SGSM1: variants seen among roughly 807,000 people sequenced by gnomAD.
SGSM1 encodes small G protein signaling modulator 1.
In SGSM1, 73 loss-of-function variants were observed where a neutral mutation model predicts 133.8. That is an observed-to-expected ratio of 0.55 (90% CI 0.45 to 0.66). SGSM1 has a LOEUF of 0.66. SGSM1 is among the 30% of genes least tolerant of loss of function. The pLI, the probability that SGSM1 is intolerant of heterozygous loss-of-function variation, is 0.00. For missense variants in SGSM1, 1,213 were observed against 1,448.1 expected (o/e 0.84, Z 2.64); for synonymous variants, 563 against 573.0 (o/e 0.98, Z 0.25).
At chr22:24,816,409 T>C (rs1304871418) in intron 2 of SGSM1, among the ~76,000 whole-genome samples, 1 of 126,336 alleles carries the variant, frequency 7.9e-6, no homozygotes, top group African/African-American at 2.6e-5. Flanking sequence ...GATTTCTTTT[T>C]TTTCTTTCTT....
chr22:24,924,405 G>A lies in SGSM1; in HGVS notation c.*131G>A, dbSNP rs1474757802. On this transcript the variant is annotated 3_prime_UTR_variant, in exon 25 of 25. Transcript: ENST00000400358. ...TGTTCACAAGCGTGGAGTTCAGTGC[G>A]CAAAGAAACTACCCTGACTTTTACT... 8 of 704,052 alleles carry A rather than the reference G, an allele frequency of 1.1e-5. No homozygotes were observed. The highest frequency in any genetic ancestry group is 2.2e-5 in the Admixed American group (1 of 44,718). 43.6% of individuals were successfully genotyped at this position (704,052 alleles called of 1,614,324 possible).
At chr22:24,921,204 A>T (rs1933995636) in intron 24 of SGSM1, among the ~76,000 whole-genome samples, 1 of 151,770 alleles carries the variant, frequency 6.6e-6, no homozygotes, top group Non-Finnish European at 1.5e-5. Context: ...GGTTCAAGTG[A>T]TTCTCCCGCC....
chr22:24,842,280 C>G (rs895637123), intron 2 of SGSM1, among the ~76,000 whole-genome samples: 4 of 152,278 alleles, frequency 2.6e-5, no homozygotes, highest in African/African-American at 9.6e-5. Context: ...TGGAGTCAGA[C>G]AAACCTGGGT....
chr22:24,811,665 G>T (rs1038210953), intron 2 of SGSM1, among the ~76,000 whole-genome samples: 2 of 151,634 alleles, frequency 1.3e-5, no homozygotes, highest in African/African-American at 4.9e-5. Flanking sequence ...TTGGAGTTTG[G>T]GACCAGCCTG....
At chr22:24,837,482 GC>G (rs1346213353) in intron 2 of SGSM1, among the ~76,000 whole-genome samples, 1 of 152,060 alleles carries the variant, frequency 6.6e-6, no homozygotes, top group Admixed American at 6.5e-5. Context: ...AGACGGTTAG[GC>G]CTCCAGATAA....
At chr22:24,917,556 C>A in intron 22 of SGSM1, 102 bp from the exon 23 acceptor site, 1 of 723,700 alleles carries the variant, frequency 1.4e-6, no homozygotes, top group Non-Finnish European at 2.3e-6. Context: ...CTGTTAAGGA[C>A]CGTATGGTGT....
chr22:24,891,304 G>A (rs753567728), intron 16 of SGSM1, among the ~76,000 whole-genome samples: 8 of 152,146 alleles, frequency 5.3e-5, no homozygotes, highest in African/African-American at 1.2e-4. Flanking sequence ...AGGCTGCAGC[G>A]AGCTATGATT....
intron 16 of SGSM1, among the ~76,000 whole-genome samples, chr22:24,888,735 T>C (rs542139599): frequency 7.8e-4 from 118 of 152,062 alleles, no homozygotes; most frequent in African/African-American, 2.7e-3. Context: ...GCCGAAGTCA[T>C]GCCACTGCAG....
chr22:24,899,756 C>T (rs756573251), intron 19 of SGSM1, among the ~76,000 whole-genome samples: 2 of 151,986 alleles, frequency 1.3e-5, no homozygotes, highest in African/African-American at 4.8e-5. Flanking sequence ...CTGCTGACCT[C>T]GTGATCTGCC....
chr22:24,848,199 G>A (rs2147840777), intron 4 of SGSM1, among the ~76,000 whole-genome samples: 1 of 151,650 alleles, frequency 6.6e-6, no homozygotes, highest in Middle Eastern at 3.4e-3. Flanking sequence ...AACTAGATCT[G>A]TTTTCTCCCA....
At chr22:24,909,126 C>A (rs1933524151) in intron 21 of SGSM1, among the ~76,000 whole-genome samples, 1 of 152,150 alleles carries the variant, frequency 6.6e-6, no homozygotes, top group Non-Finnish European at 1.5e-5. Context: ...TTGTGCACTC[C>A]TTCTGAATAT....
At chr22:24,820,483 T>C (rs1030145752) in intron 2 of SGSM1, among the ~76,000 whole-genome samples, 5 of 152,114 alleles carry the variant, frequency 3.3e-5, no homozygotes, top group African/African-American at 1.2e-4. Flanking sequence ...CCAATAACCA[T>C]GTTTAGGGCA....
chr22:24,915,253 T>TAAATAAATAAATAAATAAATAAATAAAC (rs375854809), intron 22 of SGSM1, among the ~76,000 whole-genome samples: 6 of 139,428 alleles, frequency 4.3e-5, no homozygotes, highest in African/African-American at 1.5e-4. Flanking sequence ...AATAAATAAA[T>TAAATAAATAAATAAATAAATAAATAAAC]AAACAAACAG....
chr22:24,838,603 A>G (rs1929607495), intron 2 of SGSM1, among the ~76,000 whole-genome samples: 1 of 152,202 alleles, frequency 6.6e-6, no homozygotes, highest in South Asian at 2.1e-4. Flanking sequence ...CAAAAAGGAC[A>G]GTTTATGGGG....
chr22:24,917,640 C>A lies in SGSM1; in HGVS notation c.2929-18C>A. The A allele has an allele frequency of 2.5e-6, 4 of 1,605,036 alleles. No individual in the cohort carries two copies. The highest frequency in any genetic ancestry group is 3.4e-6 in the Non-Finnish European group (4 of 1,173,700). On this transcript the variant is annotated intron_variant, in intron 22 of 24. Coordinates refer to ENST00000400358, the MANE Select transcript of SGSM1 (RefSeq NM_001098497.3). ...ACCTTTTCCCAGGAGGCTGATGCTG[C>A]CTTTCCTTCCTTGACAGATCCTGGA...
rs776810655 is a variant in SGSM1 at position 24,898,177 on chromosome 22, G to A, written c.2228G>A (p.Arg743Gln). 81 of 1,613,866 alleles carry A rather than the reference G, an allele frequency of 5.0e-5. No individual in the cohort carries two copies. Among genetic ancestry groups the A allele is most frequent in the South Asian group, 2.7e-4 (25 of 91,076 alleles). ...STEDSVLDAQRNTPTVLRPRD... is the reference protein window; with the variant it reads ...STEDSVLDAQQNTPTVLRPRD... The stretch of plus-strand genomic sequence containing the variant: ...GAAGACAGTGTCTTGGACGCCCAGC[G>A]GAACACCCCCACGGTGCTGCGACCT... Residue 743 changes from arginine to glutamine, a missense_variant, in exon 19 of 25, where the codon CGG (arginine) becomes CAG (glutamine). Transcript: ENST00000400358.
At chr22:24,889,598 C>T (rs1313894601) in intron 16 of SGSM1, among the ~76,000 whole-genome samples, 12 of 151,292 alleles carry the variant, frequency 7.9e-5, no homozygotes, top group Non-Finnish European at 1.3e-4. Flanking sequence ...TTAGTAGAGA[C>T]GAGGTTTCAC....
In SGSM1 at chr22:24,901,862, C is replaced by T; in HGVS notation, c.2640C>T (p.Asn880=). Residue 880 remains asparagine (N), a synonymous_variant, in exon 20 of 25, where the codon AAC becomes AAT. Transcript: ENST00000400358. ...SPELLDLYTV[N]LHRIEKDVQR... ...AGCTGCTGGATCTGTACACGGTGAA[C>T]CTGCACCGCATCGAGAAGGATGTGC... 6.2e-7 allele frequency: 1 copy of T among 1,612,760 alleles called. No individual in the cohort carries two copies. The highest frequency in any genetic ancestry group is 8.5e-7 in the Non-Finnish European group (1 of 1,179,506).
chr22:24,874,076 C>T (rs991662836), intron 12 of SGSM1, among the ~76,000 whole-genome samples: 2 of 152,120 alleles, frequency 1.3e-5, no homozygotes, highest in Non-Finnish European at 2.9e-5. Flanking sequence ...CCTGGCAGGG[C>T]TTTGGGTGAT....
Sources: gnomAD v4.1 joint callset for allele counts (sites outside exome capture counted in the v4.1 genomes callset) on GRCh38, gnomAD v4.1.1 for gene constraint, MANE v1.5 for transcripts, NCBI Gene and HGNC (gene_info 2026-07-23, HGNC 2026-07-21) for gene names.